Variants in LRRCC1 observed in about 807,000 individuals in gnomAD.
The protein encoded by LRRCC1 is leucine-rich repeat and coiled-coil domain-containing protein 1.
A neutral mutation model predicts 126.0 loss-of-function variants in LRRCC1; 115 were observed. That is an observed-to-expected ratio of 0.91 (90% CI 0.78 to 1.07). LRRCC1 has a LOEUF of 1.07. LRRCC1 is among the 50% of genes least tolerant of loss of function. The probability of loss-of-function intolerance (pLI) is 0.00; values close to 1 mark genes in which losing one functional copy is unlikely to be tolerated. For missense variants in LRRCC1, 1,172 were observed against 1,175.7 expected (o/e 1.00, Z 0.05); for synonymous variants, 400 against 393.4 (o/e 1.02, Z -0.20).
chr8:85,122,980 C>T (rs932398298), intron 6 of LRRCC1, among the ~76,000 whole-genome samples: 4 of 152,080 alleles, frequency 2.6e-5, no homozygotes, highest in Admixed American at 6.5e-5. Flanking sequence ...TTCATACTGC[C>T]CTCTGGTTCT....
At chr8:85,112,627 C>G (rs745613376) in intron 3 of LRRCC1, among the ~76,000 whole-genome samples, 2 of 152,188 alleles carry the variant, frequency 1.3e-5, no homozygotes, top group Non-Finnish European at 2.9e-5. Flanking sequence ...AAAGCCATTG[C>G]TTTATCCTTT....
chr8:85,124,710 A>G, intron 7 of LRRCC1, 82 bp from the exon 8 acceptor site: 1 of 848,392 alleles, frequency 1.2e-6, no homozygotes, highest in Non-Finnish European at 1.7e-6. Context: ...CTGTTTGCAT[A>G]TACAACTAGA....
chr8:85,129,960 C>T lies in LRRCC1; in HGVS notation c.1668C>T (p.Ala556=), dbSNP rs374806311. The part of the protein sequence containing the change: ...IQEVELKASA[A]DREIYLLRTS... ...AGGTGGAACTCAAAGCTTCAGCTGC[C>T]GATAGAGAAATATACTTACTTAGAA... Residue 556 remains alanine (A), a synonymous_variant, in exon 11 of 19, where the codon GCC becomes GCT. Transcript: ENST00000360375. 7.5e-6 allele frequency: 12 copies of T among 1,594,376 alleles called. No individual in the cohort carries two copies. The highest frequency in any genetic ancestry group is 1.7e-4 in the Middle Eastern group (1 of 6,006).
chr8:85,127,637 G>A (rs1367541655), intron 9 of LRRCC1, among the ~76,000 whole-genome samples: 1 of 152,130 alleles, frequency 6.6e-6, no homozygotes, highest in Non-Finnish European at 1.5e-5. Flanking sequence ...CCCAGTTCCC[G>A]ATTTCTTTTA....
chr8:85,109,553 G>C, intron 1 of LRRCC1, 42 bp from the exon 2 acceptor site: 7 of 1,194,102 alleles, frequency 5.9e-6, no homozygotes, highest in Non-Finnish European at 8.3e-6. Flanking sequence ...ATTTGGTCAT[G>C]CTTTTAAAAT....
In LRRCC1 at chr8:85,109,648, A is replaced by G. The variant is rs376956637; in HGVS notation, c.158A>G (p.Asn53Ser). 8.1e-6 allele frequency: 13 copies of G among 1,611,904 alleles called. No homozygotes were observed. The highest frequency in any genetic ancestry group is 5.3e-5 in the African/African-American group (4 of 74,888). Residue 53 changes from asparagine to serine, a missense_variant, in exon 2 of 19, where the codon AAT (asparagine) becomes AGT (serine). Asn to Ser is a conservative substitution (Grantham distance 46). Coordinates refer to ENST00000360375, the MANE Select transcript of LRRCC1 (RefSeq NM_033402.5). ...STLHAVNLHCNNISKIEAIDH... is the reference protein window; with the variant it reads ...STLHAVNLHCSNISKIEAIDH... Reference sequence around the variant, plus strand: ...CTTCATGCCGTCAATCTTCATTGCAATAACATCTCCAAGATCGAAGCCATT... The same window carrying G: ...CTTCATGCCGTCAATCTTCATTGCAGTAACATCTCCAAGATCGAAGCCATT...
At position 85,123,608 on chromosome 8, in the gene LRRCC1, T is replaced by C; in HGVS notation, c.1124+2T>C. 3 of 1,564,246 alleles carry C rather than the reference T, an allele frequency of 1.9e-6. No homozygotes were observed. The highest frequency in any genetic ancestry group is 2.6e-6 in the Non-Finnish European group (3 of 1,161,852). Reference sequence around the variant, plus strand: ...TAAAAACTACAACTCTTTTGTAAGGTACTTGTTTTAGTTTTAGAAATTTAA... The same window carrying C: ...TAAAAACTACAACTCTTTTGTAAGGCACTTGTTTTAGTTTTAGAAATTTAA... On this transcript the variant is annotated splice_donor_variant, in intron 7 of 18. Coordinates refer to ENST00000360375, the MANE Select transcript of LRRCC1 (RefSeq NM_033402.5). LOFTEE classifies it high-confidence loss of function.
Position 85,135,875 on chromosome 8 carries a change from G to C in LRRCC1, c.2241G>C (p.Gln747His). 3 of 1,607,978 alleles carry C rather than the reference G, an allele frequency of 1.9e-6. No homozygotes were observed. The highest frequency in any genetic ancestry group is 1.1e-5 in the South Asian group (1 of 90,258). Reference protein sequence around the residue: ...QIELLKHEKVQLISELAAKES... With the variant: ...QIELLKHEKVHLISELAAKES... ...AACTTCTCAAGCACGAAAAAGTCCA[G>C]CTTATTTCTGAGCTAGCAGCCAAGG... The change falls in exon 14 of 19, where the codon CAG (glutamine) becomes CAC (histidine). Residue 747 changes from glutamine to histidine, a missense_variant. By Grantham distance (24) the Gln-to-His change is conservative. Transcript: ENST00000360375.
Position 85,134,932 on chromosome 8 carries a change from C to T in LRRCC1, c.2054C>T (p.Ser685Phe), listed in dbSNP as rs1415336038. 3 of 1,595,978 alleles carry T rather than the reference C, an allele frequency of 1.9e-6. No individual in the cohort carries two copies. In the Admixed American group the frequency reaches 5.6e-5, roughly 30 times the overall value. The change falls in exon 13 of 19, where the codon TCT (serine) becomes TTT (phenylalanine). Residue 685 changes from serine to phenylalanine, a missense_variant. Coordinates refer to ENST00000360375, the MANE Select transcript of LRRCC1 (RefSeq NM_033402.5). ...TGGGCTCAACGAAAAGAAAATGAGTCTTCCTCTTTAATTAAAGATCTGACC... is the reference window on the plus strand; with the variant it reads ...TGGGCTCAACGAAAAGAAAATGAGTTTTCCTCTTTAATTAAAGATCTGACC... Reference protein sequence around the residue: ...LIWAQRKENESSSLIKDLTCM... With the variant: ...LIWAQRKENEFSSLIKDLTCM...
In LRRCC1 at chr8:85,134,115, A is replaced by C. The variant is rs113205947; in HGVS notation, c.1969-732A>C. Among the ~76,000 whole-genome samples, 1,499 of 152,148 alleles carry C rather than the reference A, an allele frequency of 9.9e-3. 30 individuals carry two copies. Among genetic ancestry groups the C allele is most frequent in the African/African-American group, 0.035 (1,434 of 41,494 alleles). ...CCTACCTCCTTCCAGTCATTGCTCC[A>C]TTGTTGCATTCTCAGTGATTATGCC... On this transcript the variant is annotated intron_variant, in intron 12 of 18. Coordinates refer to ENST00000360375, the MANE Select transcript of LRRCC1 (RefSeq NM_033402.5).
rs147644649 is a variant in LRRCC1, at chr8:85,119,950, C to T, written c.931-3463C>T. Among the ~76,000 whole-genome samples the T allele has an allele frequency of 3.3e-5, 5 of 152,276 alleles. No individual in the cohort carries two copies. The East Asian group carries it at 5.8e-4, about 18-fold the overall frequency. On this transcript the variant is annotated intron_variant, in intron 6 of 18. Transcript: ENST00000360375. ...TTTTGCTATTGTACAGTTAGAAATA[C>T]TTTTCTAATTTCCTTTGTGATTTCT... is the stretch of plus-strand genomic sequence containing the variant.
chr8:85,112,907 T>G lies in LRRCC1; in HGVS notation c.377-25T>G. Reference sequence around the variant, plus strand: ...ATTGGAAAGACTATTGCTGTGGCATTTAAAGAATTATGTTCCTATTGCAGG... The same window carrying G: ...ATTGGAAAGACTATTGCTGTGGCATGTAAAGAATTATGTTCCTATTGCAGG... On this transcript the variant is annotated intron_variant, in intron 3 of 18. Coordinates refer to ENST00000360375, the MANE Select transcript of LRRCC1 (RefSeq NM_033402.5). The G allele has an allele frequency of 2.0e-6, 3 of 1,513,948 alleles. No individual in the cohort carries two copies. In the South Asian group the frequency reaches 3.9e-5, roughly 20 times the overall value. The allele number at this position is 1,513,948 out of a possible 1,614,324, so 93.8% of individuals were successfully genotyped here. A position where few individuals can be genotyped will look rare whatever the true frequency, so the allele number is the denominator to read the frequency against.
In LRRCC1 at chr8:85,115,537, A is replaced by T. The variant is rs1400585231; in HGVS notation, c.883A>T (p.Ile295Leu). ...NNHENDLQNE[I>L]KLQKLDDQIL... Reference sequence around the variant, plus strand: ...TCATGAAAACGATTTGCAGAATGAGATAAAACTTCAGAAATTAGATGACCA... The same window carrying T: ...TCATGAAAACGATTTGCAGAATGAGTTAAAACTTCAGAAATTAGATGACCA... The change falls in exon 6 of 19, where the codon ATA becomes TTA. Residue 295 changes from isoleucine to leucine, a missense_variant. Ile to Leu is a conservative substitution (Grantham distance 5). Transcript: ENST00000360375. 2.5e-6 allele frequency: 4 copies of T among 1,613,162 alleles called. No homozygotes were observed. The Admixed American group carries it at 6.7e-5, about 27-fold the overall frequency.
intron 18 of LRRCC1, 87 bp from the exon 19 acceptor site, chr8:85,145,299 GAAT>G: frequency 1.0e-6 from 1 of 990,688 alleles, no homozygotes; most frequent in East Asian, 2.9e-5. Flanking sequence ...AAATGTGTAA[GAAT>G]AAATTTTGGA....
At chr8:85,137,696 C>A in intron 15 of LRRCC1, 69 bp downstream of exon 15, 1 of 1,153,930 alleles carries the variant, frequency 8.7e-7, no homozygotes, top group South Asian at 2.5e-5. Context: ...TCAAAGTATC[C>A]AAAAGCTGTT....
chr8:85,135,287 G>A (rs114144490), intron 13 of LRRCC1, among the ~76,000 whole-genome samples: 1,625 of 152,238 alleles, frequency 0.011, 35 homozygotes, highest in African/African-American at 0.037. Flanking sequence ...CAGTAGTATA[G>A]TGATACAACA....
intron 11 of LRRCC1, 146 bp downstream of exon 11, chr8:85,130,204 C>T (rs184702970): frequency 5.3e-4 from 269 of 509,500 alleles, no homozygotes; most frequent in African/African-American, 3.0e-3. Context: ...GGCGCAATCT[C>T]GGCTCACTGC....
In LRRCC1 at chr8:85,131,968, A is replaced by G. The variant is rs1322372003; in HGVS notation, c.1968+7A>G. 10 of 1,603,926 alleles carry G rather than the reference A, an allele frequency of 6.2e-6. No individual in the cohort carries two copies. The highest frequency in any genetic ancestry group is 3.4e-6 in the Non-Finnish European group (4 of 1,176,580). On this transcript the variant is annotated splice_region_variant and intron_variant, in intron 12 of 18. Transcript: ENST00000360375. ...AGCCAGAAGATTTCAAGATGTAAGAATTGGCACCCAGCTTTTTATTGAAAA... is the reference window on the plus strand; with the variant it reads ...AGCCAGAAGATTTCAAGATGTAAGAGTTGGCACCCAGCTTTTTATTGAAAA...
At position 85,138,757 on chromosome 8, in the gene LRRCC1, A is replaced by G. The variant is rs77493179; in HGVS notation, c.2840+282A>G. Among the ~76,000 whole-genome samples the G allele has an allele frequency of 9.2e-3, 1,405 of 152,322 alleles. 13 individuals are homozygous for G. The highest frequency in any genetic ancestry group is 0.015 in the Non-Finnish European group (1,024 of 68,038). On this transcript the variant is annotated intron_variant, in intron 17 of 18. Transcript: ENST00000360375. ...CAGTGCCTGACACATAAGAATTGCTATATGAGGCTGCACACGGTGGCTCAC... is the reference window on the plus strand; with the variant it reads ...CAGTGCCTGACACATAAGAATTGCTGTATGAGGCTGCACACGGTGGCTCAC...
Sources: allele counts gnomAD v4.1 joint callset (sites outside exome capture counted in the v4.1 genomes callset), GRCh38; gene constraint gnomAD v4.1.1; transcripts MANE v1.5; gene names NCBI Gene and HGNC (gene_info 2026-07-23, HGNC 2026-07-21).